The following PIWIL4 variants were observed in gnomAD, a reference collection of about 807,000 sequenced individuals.
PIWIL4 encodes the protein piwi-like protein 4.
PIWIL4 carries 50 observed loss-of-function variants against 100.9 expected under a neutral mutation model. The observed-to-expected ratio is 0.50, with a 90% CI of 0.39 to 0.63. The LOEUF (loss-of-function observed/expected upper bound fraction) is 0.63, where lower values mean the gene tolerates loss of function less well. Ranked by LOEUF, PIWIL4 falls within the 20% of genes least tolerant of loss-of-function variation. The pLI, the probability that PIWIL4 is intolerant of heterozygous loss-of-function variation, is 0.00. For synonymous variants in PIWIL4, 342 were observed against 367.5 expected, an observed-to-expected ratio of 0.93 and a Z score of 0.79; for missense variants, 887 against 1,043.3, an observed-to-expected ratio of 0.85 and a Z score of 2.06.
intron 15 of PIWIL4, among the ~76,000 whole-genome samples, chr11:94,610,916 T>C (rs1259904957): frequency 6.6e-6 from 1 of 152,196 alleles, no homozygotes; most frequent in Non-Finnish European, 1.5e-5. Context: ...TAAGATCTTT[T>C]GTTTAAGTCT....
intron 15 of PIWIL4, among the ~76,000 whole-genome samples, chr11:94,610,226 TTG>T (rs35398586): frequency 0.52 from 78,917 of 151,418 alleles, 20,490 homozygotes; most frequent in East Asian, 0.65. Flanking sequence ...TAATATTCTA[TTG>T]TGTGTGTGTG....
chr11:94,572,614 T>C (rs949944082), intron 2 of PIWIL4, among the ~76,000 whole-genome samples: 1 of 152,220 alleles, frequency 6.6e-6, no homozygotes, highest in Non-Finnish European at 1.5e-5. Flanking sequence ...TGTGGTGTTA[T>C]TTCTGAGGAC....
rs545878504 is a variant in PIWIL4, at chr11:94,581,581, C to G, written c.514-1867C>G. Reference sequence around the variant, plus strand: ...TCACTGAAGACGTTGGAGAGCATTTCCATGGCAGCTGTGTTAAATTACAGT... The same window carrying G: ...TCACTGAAGACGTTGGAGAGCATTTGCATGGCAGCTGTGTTAAATTACAGT... On this transcript the variant is annotated intron_variant, in intron 4 of 19. Coordinates refer to ENST00000299001, the MANE Select transcript of PIWIL4 (RefSeq NM_152431.3). 9.2e-5 allele frequency among the ~76,000 whole-genome samples: 14 copies of G among 152,290 alleles called. 1 individual carries two copies. The South Asian group carries it at 1.7e-3, about 18-fold the overall frequency.
At chr11:94,598,075 A>C in intron 11 of PIWIL4, among the ~76,000 whole-genome samples, 160 bp downstream of exon 11, 1 of 152,262 alleles carries the variant, frequency 6.6e-6, no homozygotes, top group African/African-American at 2.4e-5. Context: ...TTTCCTTTTC[A>C]ATCTGAATTT....
intron 11 of PIWIL4, among the ~76,000 whole-genome samples, chr11:94,599,624 A>T (rs556556713): frequency 1.3e-5 from 2 of 152,290 alleles, no homozygotes; most frequent in East Asian, 3.9e-4. Flanking sequence ...TCTCAGGCCG[A>T]GGTAGGTGGA....
Position 94,568,826 on chromosome 11 carries a change from T to A in PIWIL4, c.166+18T>A. 1.3e-6 allele frequency: 2 copies of A among 1,576,734 alleles called. No individual in the cohort carries two copies. Among genetic ancestry groups the A allele is most frequent in the Non-Finnish European group, 1.7e-6 (2 of 1,146,114 alleles). ...AACCAACGGTAAGTGCAGCTCAGCC[T>A]GTTCATTTAGTACCATTCAACCTGA... On this transcript the variant is annotated intron_variant, in intron 2 of 19. Coordinates refer to ENST00000299001, the MANE Select transcript of PIWIL4 (RefSeq NM_152431.3).
intron 4 of PIWIL4, among the ~76,000 whole-genome samples, chr11:94,580,986 C>T (rs778185839): frequency 1.1e-4 from 17 of 151,154 alleles, no homozygotes; most frequent in Non-Finnish European, 1.8e-4. Context: ...GCAACCTCCA[C>T]CTCCTGGGTT....
At chr11:94,583,648 C>G in intron 5 of PIWIL4, 79 bp downstream of exon 5, 1 of 1,568,474 alleles carries the variant, frequency 6.4e-7, no homozygotes, top group Non-Finnish European at 8.7e-7. Flanking sequence ...AATAATCGAC[C>G]ATTTTGTAGG....
intron 15 of PIWIL4, 147 bp from the exon 16 acceptor site, chr11:94,616,344 CTT>C (rs112301484): frequency 0.15 from 96,956 of 667,090 alleles, 7,544 homozygotes; most frequent in Middle Eastern, 0.22. Context: ...TAAAGGGTCT[CTT>C]TGATATAATT....
Position 94,567,447 on chromosome 11 carries a change from C to T in PIWIL4, c.-72C>T, listed in dbSNP as rs913592629. 30 of 1,352,956 alleles carry T rather than the reference C, an allele frequency of 2.2e-5. No homozygotes were observed. The highest frequency in any genetic ancestry group is 2.8e-5 in the Non-Finnish European group (28 of 1,017,798). The allele number at this position is 1,352,956 out of a possible 1,614,324, so 83.8% of individuals were successfully genotyped here. A position where few individuals can be genotyped will look rare whatever the true frequency, so the allele number is the denominator to read the frequency against. ...AGTTTCGCCGTCACACCGTCGCCAT[C>T]TGTAGCCAAAGCAAAACATATCCTA... On this transcript the variant is annotated 5_prime_UTR_variant, in exon 1 of 20. Transcript: ENST00000299001.
intron 3 of PIWIL4, 107 bp downstream of exon 3, chr11:94,575,237 ATTT>A (rs1948221360): frequency 1.7e-6 from 2 of 1,158,806 alleles, no homozygotes; most frequent in Non-Finnish European, 2.5e-6. Flanking sequence ...CTTAACAGAT[ATTT>A]ACTGATTGTC....
In PIWIL4 at chr11:94,587,115, C is replaced by T. The variant is rs979268368; in HGVS notation, c.782C>T (p.Ala261Val). The change falls in exon 7 of 20, where the codon GCT becomes GTT. Residue 261 changes from alanine to valine, a missense_variant. Physicochemically the swap from Ala to Val is moderately conservative, Grantham distance 64 (BLOSUM62 0). Transcript: ENST00000299001. ...SYFERKLLFS[A>V]DVSYKVLRNE... is the part of the protein sequence containing the mutation. ...TTTGAAAGGAAGCTCCTGTTTAGTG[C>T]TGATGTGAGTTACAAAGTCCTCCGG... 2 of 1,613,760 alleles carry T rather than the reference C, an allele frequency of 1.2e-6. No individual in the cohort carries two copies. Among genetic ancestry groups the T allele is most frequent in the African/African-American group, 2.7e-5 (2 of 74,860 alleles).
chr11:94,583,754 A>G (rs955474907), intron 5 of PIWIL4, among the ~76,000 whole-genome samples, 185 bp downstream of exon 5: 3 of 152,236 alleles, frequency 2.0e-5, no homozygotes, highest in African/African-American at 7.2e-5. Flanking sequence ...ACAGCCACTC[A>G]GTGGCACAGA....
intron 1 of PIWIL4, among the ~76,000 whole-genome samples, chr11:94,568,122 C>T (rs1449010031): frequency 1.3e-4 from 19 of 151,678 alleles, no homozygotes; most frequent in Non-Finnish European, 1.5e-5. Flanking sequence ...AATACAACTA[C>T]ATATTCTTAG....
At chr11:94,589,903 G>A (rs1208836530) in intron 8 of PIWIL4, among the ~76,000 whole-genome samples, 1 of 152,128 alleles carries the variant, frequency 6.6e-6, no homozygotes, top group East Asian at 1.9e-4. Flanking sequence ...GACTAGCTCA[G>A]TGCTTTGCGC....
At chr11:94,619,087 T>C (rs192408268) in intron 17 of PIWIL4, among the ~76,000 whole-genome samples, 2 of 152,310 alleles carry the variant, frequency 1.3e-5, no homozygotes, top group Admixed American at 6.5e-5. Context: ...CTTTTGATAG[T>C]TTCAATATTG....
chr11:94,618,532 C>T (rs1948870387), intron 17 of PIWIL4, among the ~76,000 whole-genome samples: 2 of 152,160 alleles, frequency 1.3e-5, no homozygotes, highest in Non-Finnish European at 2.9e-5. Flanking sequence ...CACTTAAGGT[C>T]TATGGAAGGT....
intron 8 of PIWIL4, among the ~76,000 whole-genome samples, chr11:94,590,645 G>A (rs1434711426): frequency 6.6e-6 from 1 of 151,976 alleles, no homozygotes; most frequent in East Asian, 1.9e-4. Context: ...TTTCTCCTTG[G>A]AAATTCTGTA....
At chr11:94,608,804 AT>A in intron 15 of PIWIL4, 118 bp downstream of exon 15, 1 of 826,786 alleles carries the variant, frequency 1.2e-6, no homozygotes, top group African/African-American at 1.7e-5. Context: ...AAACACCAAC[AT>A]TTAGGTTCAT....
Sources: gnomAD v4.1 joint callset for allele counts (sites outside exome capture counted in the v4.1 genomes callset) on GRCh38, gnomAD v4.1.1 for gene constraint, MANE v1.5 for transcripts, NCBI Gene and HGNC (gene_info 2026-07-23, HGNC 2026-07-21) for gene names.